Variants in TRRAP observed in about 807,000 individuals in gnomAD.
TRRAP encodes the protein transformation/transcription domain-associated protein.
A neutral mutation model predicts 438.8 loss-of-function variants in TRRAP; 41 were observed. The ratio of observed to expected loss-of-function variants is 0.09; its 90% confidence interval spans 0.07 to 0.12. TRRAP has a LOEUF of 0.12. Among genes scored for constraint, TRRAP ranks in the 10% least tolerant of loss-of-function variants. The probability of loss-of-function intolerance (pLI) is 1.00; values close to 1 mark genes in which losing one functional copy is unlikely to be tolerated. For synonymous variants in TRRAP, 1,994 were observed against 1,962.9 expected (o/e 1.02, Z -0.42); for missense variants, 3,122 against 5,055.1 (o/e 0.62, Z 11.60).
chr7:98,997,806 T>C (rs1485838245), intron 67 of TRRAP, among the ~76,000 whole-genome samples: 1 of 152,164 alleles, frequency 6.6e-6, no homozygotes, highest in Non-Finnish European at 1.5e-5. Context: ...CCCAGGAAAA[T>C]TGAATCGAAC....
In TRRAP at chr7:98,953,031, TTGTGTGTGTG is replaced by T. The variant is rs57047314; in HGVS notation, c.5464-96_5464-87del. On this transcript the variant is annotated intron_variant, in intron 39 of 72. Transcript: ENST00000456197. ...CCTCCTTGTAAAACTTCATGTTACA[TTGTGTGTGTG>T]TGTGTGTGTGTGTGTGTGTGTGTGT... is the stretch of plus-strand genomic sequence containing the variant. The T allele has an allele frequency of 1.0e-3, 1,179 of 1,169,666 alleles. 4 individuals carry two copies. In the East Asian group the frequency reaches 0.012, roughly 12 times the overall value. The allele number at this position is 1,169,666 out of a possible 1,614,324, so 72.5% of individuals were successfully genotyped here. A position where few individuals can be genotyped will look rare whatever the true frequency, so the allele number is the denominator to read the frequency against.
At position 98,933,411 on chromosome 7, in the gene TRRAP, G is replaced by T. The variant is rs372599564; in HGVS notation, c.4014+9G>T. 10 of 1,611,190 alleles carry T rather than the reference G, an allele frequency of 6.2e-6. No individual in the cohort carries two copies. The highest frequency in any genetic ancestry group is 4.0e-5 in the African/African-American group (3 of 74,866). On this transcript the variant is annotated intron_variant, in intron 27 of 72. Transcript: ENST00000456197. ...AGGTGTTCTACACAGAGGTAGGGGG[G>T]TGGTGGTGCGGAGTGGTGTGGATGG...
rs1358562219 is a variant in TRRAP at position 98,983,259 on chromosome 7, A to G, written c.8827-5A>G. The G allele has an allele frequency of 3.7e-6, 6 of 1,609,562 alleles. No homozygotes were observed. The highest frequency in any genetic ancestry group is 5.1e-6 in the Non-Finnish European group (6 of 1,177,298). On this transcript the variant is annotated splice_region_variant and splice_polypyrimidine_tract_variant and intron_variant, in intron 59 of 72. Transcript: ENST00000456197. The stretch of plus-strand genomic sequence containing the variant: ...CCGCAGAGTCTCTTATGCTGGTCCC[A>G]TCAGGCAGCCCAGCAAATCATCGAA...
At chr7:98,943,435 A>T (rs1162942343) in intron 31 of TRRAP, among the ~76,000 whole-genome samples, 1 of 152,176 alleles carries the variant, frequency 6.6e-6, no homozygotes, top group African/African-American at 2.4e-5. Flanking sequence ...TTTAATCATT[A>T]TTGCCTGATA....
At chr7:98,946,816 A>G (rs931790930) in intron 33 of TRRAP, among the ~76,000 whole-genome samples, 1 of 152,244 alleles carries the variant, frequency 6.6e-6, no homozygotes, top group African/African-American at 2.4e-5. Context: ...CAAAGACCCA[A>G]AGAAGTGGTT....
chr7:99,010,004 C>T (rs1417510935), intron 70 of TRRAP, among the ~76,000 whole-genome samples: 1 of 151,458 alleles, frequency 6.6e-6, no homozygotes, highest in Non-Finnish European at 1.5e-5. Flanking sequence ...TCTTCTGCCT[C>T]AGCCTCCTGA....
At chr7:98,889,897 G>T (rs1049577230) in intron 3 of TRRAP, among the ~76,000 whole-genome samples, 9 of 151,966 alleles carry the variant, frequency 5.9e-5, no homozygotes, top group African/African-American at 2.2e-4. Context: ...ATCAATAATG[G>T]ATTAGATTAG....
intron 53 of TRRAP, among the ~76,000 whole-genome samples, chr7:98,972,698 T>C (rs1792473525): frequency 6.6e-6 from 1 of 152,262 alleles, no homozygotes; most frequent in Non-Finnish European, 1.5e-5. Context: ...TATTTTTCTG[T>C]TCTTTCAGGA....
At chr7:98,966,852 A>T (rs1792181438) in intron 49 of TRRAP, among the ~76,000 whole-genome samples, 189 bp from the exon 50 acceptor site, 1 of 152,232 alleles carries the variant, frequency 6.6e-6, no homozygotes, top group South Asian at 2.1e-4. Context: ...CTCTAAAATG[A>T]GTTGTAGCCC....
intron 24 of TRRAP, 36 bp from the exon 25 acceptor site, chr7:98,930,597 A>G: frequency 6.2e-7 from 1 of 1,608,034 alleles, no homozygotes; most frequent in Non-Finnish European, 8.5e-7. Flanking sequence ...CAAGAATTGC[A>G]GTAACGTGTT....
chr7:98,993,058 G>A (rs757492464), intron 65 of TRRAP, among the ~76,000 whole-genome samples: 1 of 152,172 alleles, frequency 6.6e-6, no homozygotes, highest in South Asian at 2.1e-4. Flanking sequence ...GCAGTATTTT[G>A]CAATTGGCTT....
intron 65 of TRRAP, among the ~76,000 whole-genome samples, chr7:98,992,938 T>G (rs1025865930): frequency 2.0e-5 from 3 of 152,144 alleles, no homozygotes; most frequent in Non-Finnish European, 1.5e-5. Flanking sequence ...ATTTGAAAAT[T>G]AAGGTTTTTT....
At chr7:98,904,922 C>CA (rs1796653632) in intron 12 of TRRAP, among the ~76,000 whole-genome samples, 1 of 152,142 alleles carries the variant, frequency 6.6e-6, no homozygotes, top group African/African-American at 2.4e-5. Flanking sequence ...ACTTTTTTGG[C>CA]ACCTGCAACG....
chr7:98,961,487 T>G lies in TRRAP; in HGVS notation c.6703+13T>G. Reference sequence around the variant, plus strand: ...CCAACAGAGCCGAGTATGTGACCTTTCCCACCGGTGCTTTTCTTTCAAAGT... The same window carrying G: ...CCAACAGAGCCGAGTATGTGACCTTGCCCACCGGTGCTTTTCTTTCAAAGT... On this transcript the variant is annotated intron_variant, in intron 46 of 72. Transcript: ENST00000456197. 1.2e-6 allele frequency: 2 copies of G among 1,611,900 alleles called. No individual in the cohort carries two copies. Among genetic ancestry groups the G allele is most frequent in the Non-Finnish European group, 1.7e-6 (2 of 1,178,250 alleles).
chr7:98,983,514 G>A (rs561237131), intron 60 of TRRAP, 55 bp downstream of exon 60: 24 of 1,598,048 alleles, frequency 1.5e-5, no homozygotes, highest in Non-Finnish European at 1.7e-5. Flanking sequence ...GACGCCCCAC[G>A]GTTCTGGTTT....
chr7:99,002,122 C>CGGGGGGGGGGGGGGG (rs1003090262), intron 67 of TRRAP, among the ~76,000 whole-genome samples: 1 of 5,168 alleles, frequency 1.9e-4, no homozygotes, highest in Non-Finnish European at 4.1e-4. Context: ...AGGGGAGAGG[C>CGGGGGGGGGGGGGGG]GGGGGGGTGG....
chr7:99,005,817 C>T lies in TRRAP; in HGVS notation c.10753+469C>T, dbSNP rs577889650. Among the ~76,000 whole-genome samples, 14 of 152,130 alleles carry T rather than the reference C, an allele frequency of 9.2e-5. No individual in the cohort carries two copies. The highest frequency in any genetic ancestry group is 6.2e-4 in the South Asian group (3 of 4,810). ...CTGTTCTAAGGTCTTTTGCACTCTA[C>T]GGAGTGGGCCCCTGGAGAGCTGGGG... On this transcript the variant is annotated intron_variant, in intron 69 of 72. Coordinates refer to ENST00000456197, the MANE Select transcript of TRRAP (RefSeq NM_001375524.1). This position sits in a 1 kb window ranked among gnomAD's most constrained non-coding sequence, Gnocchi z 5.1.
rs1471789393 is a variant in TRRAP, at chr7:98,976,438, C to T, written c.7960-45C>T. 4 of 1,586,280 alleles carry T rather than the reference C, an allele frequency of 2.5e-6. No individual in the cohort carries two copies. Among genetic ancestry groups the T allele is most frequent in the Admixed American group, 1.7e-5 (1 of 59,302 alleles). ...GCATCGAGAGAGACAGCAAGACTTG[C>T]CGATTTTTGAATGAAGGCCTAAATG... On this transcript the variant is annotated intron_variant, in intron 54 of 72. Transcript: ENST00000456197. This position sits in a 1 kb window ranked among gnomAD's most constrained non-coding sequence, Gnocchi z 4.6.
chr7:98,946,498 A>T (rs560514004), intron 33 of TRRAP, among the ~76,000 whole-genome samples: 1 of 151,600 alleles, frequency 6.6e-6, no homozygotes. Flanking sequence ...ACACATGCAC[A>T]CACACCACAC....
Sources: allele counts gnomAD v4.1 joint callset (sites outside exome capture counted in the v4.1 genomes callset), GRCh38; gene constraint gnomAD v4.1.1; non-coding constraint Gnocchi (gnomAD v3.1); transcripts MANE v1.5; gene names NCBI Gene and HGNC (gene_info 2026-07-23, HGNC 2026-07-21).